The following LLGL2 variants were observed in gnomAD, a reference collection of about 807,000 sequenced individuals.
The protein encoded by LLGL2 is LLGL2, scribble cell polarity complex component.
In LLGL2, 81 loss-of-function variants were observed where a neutral mutation model predicts 123.2. The observed-to-expected ratio is 0.66, with a 90% CI of 0.55 to 0.79. The LOEUF (loss-of-function observed/expected upper bound fraction) is 0.79. Ranked by LOEUF, LLGL2 falls within the 30% of genes least tolerant of loss-of-function variation. LLGL2 has a pLI of 0.00. For synonymous variants in LLGL2, 577 were observed against 594.1 expected (o/e 0.97, Z 0.42); for missense variants, 1,273 against 1,414.6 (o/e 0.90, Z 1.61).
Position 75,574,596 on chromosome 17 carries a change from C to T in LLGL2, c.2997-14C>T. On this transcript the variant is annotated splice_polypyrimidine_tract_variant and intron_variant, in intron 24 of 25. Transcript: ENST00000392550. ...GTCCCTGAGGCCATGACTCCCCTGTCTTTGCCTGTGCAGGAGCGGCAACTG... is the reference window on the plus strand; with the variant it reads ...GTCCCTGAGGCCATGACTCCCCTGTTTTTGCCTGTGCAGGAGCGGCAACTG... 1 of 1,612,028 alleles carries T rather than the reference C, an allele frequency of 6.2e-7. No homozygotes were observed. Among genetic ancestry groups the T allele is most frequent in the Non-Finnish European group, 8.5e-7 (1 of 1,179,532 alleles).
intron 14 of LLGL2, among the ~76,000 whole-genome samples, chr17:75,569,684 A>G (rs1177018465): frequency 3.3e-5 from 5 of 151,996 alleles, no homozygotes; most frequent in Non-Finnish European, 7.4e-5. Context: ...CGTGCCTGTA[A>G]TCCCAGCTAC....
At chr17:75,546,061 C>G (rs151255929) in intron 2 of LLGL2, 1 of 151,906 alleles carries the variant, frequency 6.6e-6, no homozygotes, top group Non-Finnish European at 1.5e-5. Flanking sequence ...GGTTTGAGAC[C>G]CATGGAATAG....
intron 1 of LLGL2, among the ~76,000 whole-genome samples, chr17:75,535,593 G>A (rs1190052057): frequency 1.3e-5 from 2 of 152,248 alleles, no homozygotes; most frequent in Non-Finnish European, 2.9e-5. Context: ...TAGCCCAGGT[G>A]CCCCAAACAG....
intron 1 of LLGL2, among the ~76,000 whole-genome samples, chr17:75,542,082 G>A (rs1218885313): frequency 6.6e-6 from 1 of 151,812 alleles, no homozygotes; most frequent in African/African-American, 2.4e-5. Flanking sequence ...CGGTTCCTCT[G>A]CCCGAAGACA....
upstream of LLGL2, chr17:75,525,132 A>C (rs1014688004): frequency 6.5e-6 from 1 of 152,920 alleles, no homozygotes; most frequent in African/African-American, 2.4e-5. This position sits in a 1 kb window ranked among gnomAD's most constrained non-coding sequence, Gnocchi z 4.8. Context: ...TTGTGCTAAA[A>C]ATTCCACCCG....
chr17:75,537,662 A>G (rs1304004190), intron 1 of LLGL2, among the ~76,000 whole-genome samples: 2 of 151,846 alleles, frequency 1.3e-5, no homozygotes, highest in Admixed American at 6.6e-5. Context: ...ACACCACTGC[A>G]CTTCAGCCTG....
Position 75,549,685 on chromosome 17 carries a change from G to T in LLGL2, c.75+6184G>T, listed in dbSNP as rs935017090. On this transcript the variant is annotated intron_variant, in intron 2 of 25. Transcript: ENST00000392550. This position sits in a 1 kb window ranked among gnomAD's most constrained non-coding sequence, Gnocchi z 4.0. ...CCAGGCAGGAGTGCTCCCCCAAGGT[G>T]CTGGGCAGCCTCTGAGGGCCTGGTG... Among the ~76,000 whole-genome samples, 3 of 152,190 alleles carry T rather than the reference G, an allele frequency of 2.0e-5. No individual in the cohort carries two copies. Among genetic ancestry groups the T allele is most frequent in the Non-Finnish European group, 4.4e-5 (3 of 68,016 alleles).
At chr17:75,538,285 T>A (rs923433964) in intron 1 of LLGL2, among the ~76,000 whole-genome samples, 15 of 152,178 alleles carry the variant, frequency 9.9e-5, no homozygotes, top group African/African-American at 3.6e-4. Context: ...CCCCATCAGG[T>A]CCCTGCCTAG....
intron 1 of LLGL2, among the ~76,000 whole-genome samples, chr17:75,529,343 G>C (rs980078376): frequency 5.3e-5 from 8 of 151,416 alleles, no homozygotes; most frequent in African/African-American, 1.9e-4. Flanking sequence ...ATTGCAGGCA[G>C]GCACCACCAG....
chr17:75,560,360 G>A (rs1014649797), intron 6 of LLGL2, among the ~76,000 whole-genome samples: 4 of 152,348 alleles, frequency 2.6e-5, no homozygotes, highest in African/African-American at 7.2e-5. Flanking sequence ...TGGGACCTGC[G>A]CCCCAGCAGG....
Position 75,559,310 on chromosome 17 carries a change from C to T in LLGL2, c.430C>T (p.Leu144Phe), listed in dbSNP as rs2055089640. 1 of 1,613,436 alleles carries T rather than the reference C, an allele frequency of 6.2e-7. No individual in the cohort carries two copies. The highest frequency in any genetic ancestry group is 8.5e-7 in the Non-Finnish European group (1 of 1,179,956). Residue 144 changes from leucine (L) to phenylalanine (F), a missense_variant, in exon 6 of 26, where the codon CTC (leucine) becomes TTC (phenylalanine). By Grantham distance (22) the Leu-to-Phe change is conservative. Transcript: ENST00000392550. The surrounding 1 kb of genome is among the most constrained non-coding windows in gnomAD (Gnocchi z 4.6). The stretch of plus-strand genomic sequence containing the variant: ...CCTGCCACATTCCTCCTGCGAGCTG[C>T]TCTACCTGGGCACCGAGAGTGGCAA... ...VVLPHSSCELLYLGTESGNVF... is the reference protein window; with the variant it reads ...VVLPHSSCELFYLGTESGNVF...
rs1170199102 is a variant in LLGL2 at position 75,546,920 on chromosome 17, TG to T, written c.75+3421del. Among the ~76,000 whole-genome samples the T allele has an allele frequency of 2.6e-5, 4 of 152,130 alleles. No individual in the cohort carries two copies. The East Asian group carries it at 7.7e-4, about 29-fold the overall frequency. On this transcript the variant is annotated intron_variant, in intron 2 of 25. Transcript: ENST00000392550. ...GAGCCTGGAGCGGCACGTGGGCTGT[TG>T]GTGTAGGCGAGGGTCAGGCCCCAGA...
At chr17:75,560,237 C>T (rs1385578175) in intron 6 of LLGL2, among the ~76,000 whole-genome samples, 1 of 152,230 alleles carries the variant, frequency 6.6e-6, no homozygotes, top group African/African-American at 2.4e-5. Flanking sequence ...GTGCAGACCT[C>T]TGCCTTTCCC....
intron 25 of LLGL2, 50 bp downstream of exon 25, chr17:75,574,718 G>A (rs1354924805): frequency 3.7e-6 from 6 of 1,601,762 alleles, no homozygotes; most frequent in Admixed American, 3.4e-5. Flanking sequence ...GGGAAGGGCT[G>A]GGAGGAAGAG....
intron 1 of LLGL2, chr17:75,543,047 G>A (rs533692136): frequency 6.3e-6 from 1 of 159,368 alleles, no homozygotes; most frequent in South Asian, 2.0e-4. Flanking sequence ...TGCTTAGCTG[G>A]AGTTTCATGG....
chr17:75,528,047 T>C (rs1055875091), intron 1 of LLGL2, among the ~76,000 whole-genome samples: 3 of 152,084 alleles, frequency 2.0e-5, no homozygotes, highest in African/African-American at 7.2e-5. Flanking sequence ...CCTCCCAAAG[T>C]GTTAGGATTA....
intron 6 of LLGL2, among the ~76,000 whole-genome samples, chr17:75,560,182 A>T (rs1264331826): frequency 6.6e-6 from 1 of 152,226 alleles, no homozygotes; most frequent in African/African-American, 2.4e-5. Context: ...AGGGCAGGGC[A>T]TGACTGGGCT....
intron 1 of LLGL2, among the ~76,000 whole-genome samples, chr17:75,534,094 G>C (rs1478509823): frequency 6.6e-6 from 1 of 152,254 alleles, no homozygotes; most frequent in Non-Finnish European, 1.5e-5. Context: ...CAGGCAGGTG[G>C]TCCATCTTCT....
At position 75,572,074 on chromosome 17, in the gene LLGL2, G is replaced by A. The variant is rs372314047; in HGVS notation, c.2460+10G>A. ...AGAGGAGCAGTTCAAGGTGCCACAC[G>A]GGCAGCGGCGGGTCTCCCTGGGACT... On this transcript the variant is annotated intron_variant, in intron 19 of 25. Transcript: ENST00000392550. The A allele has an allele frequency of 7.8e-5, 125 of 1,604,870 alleles. 4 individuals carry two copies. The highest frequency in any genetic ancestry group is 7.2e-4 in the African/African-American group (54 of 74,976).
Sources: allele counts gnomAD v4.1 joint callset (sites outside exome capture counted in the v4.1 genomes callset), GRCh38; gene constraint gnomAD v4.1.1; non-coding constraint Gnocchi (gnomAD v3.1); transcripts MANE v1.5; gene names NCBI Gene and HGNC (gene_info 2026-07-23, HGNC 2026-07-21).